WDSUB1: variants seen among roughly 807,000 people sequenced by gnomAD.
WDSUB1 encodes the protein WD repeat, sterile alpha motif and U-box domain containing 1, also known as WD repeat, SAM and U-box domain-containing protein 1.
WDSUB1 carries 49 observed loss-of-function variants against 53.9 expected under a neutral mutation model. The ratio of observed to expected loss-of-function variants is 0.91; its 90% CI spans 0.72 to 1.15. The LOEUF is 1.15. Among genes scored for constraint, WDSUB1 ranks in the 50% most tolerant of loss-of-function variants. The probability of loss-of-function intolerance (pLI) is 0.00; values close to 1 mark genes in which losing one functional copy is unlikely to be tolerated. For synonymous variants in WDSUB1, 194 were observed against 200.6 expected (o/e 0.97, Z 0.28); for missense variants, 514 against 562.0 (o/e 0.91, Z 0.86).
At chr2:159,250,376 A>G (rs1203041189) in intron 9 of WDSUB1, among the ~76,000 whole-genome samples, 1 of 152,236 alleles carries the variant, frequency 6.6e-6, no homozygotes, top group Non-Finnish European at 1.5e-5. Context: ...TGATTTTGCA[A>G]AAATATTTAT....
chr2:159,246,787 G>A (rs1481798449), intron 10 of WDSUB1, among the ~76,000 whole-genome samples: 1 of 152,190 alleles, frequency 6.6e-6, no homozygotes, highest in Non-Finnish European at 1.5e-5. Flanking sequence ...GCATATCTAT[G>A]CAAGGAAACA....
intron 4 of WDSUB1, among the ~76,000 whole-genome samples, chr2:159,275,077 G>A (rs1331313519): frequency 6.6e-6 from 1 of 152,128 alleles, no homozygotes; most frequent in Non-Finnish European, 1.5e-5. Context: ...TTCAATTAAT[G>A]GAAGTTGTAA....
rs1265251666 is a variant in WDSUB1, at chr2:159,265,117, CAACAACAAA to C, written c.771-5283_771-5275del. Among the ~76,000 whole-genome samples, 1,077 of 149,162 alleles carry C rather than the reference CAACAACAAA, an allele frequency of 7.2e-3. 7 individuals carry two copies. Among genetic ancestry groups the C allele is most frequent in the Non-Finnish European group, 0.01 (677 of 67,440 alleles). On this transcript the variant is annotated intron_variant, in intron 5 of 10. Coordinates refer to ENST00000359774, the MANE Select transcript of WDSUB1 (RefSeq NM_001128212.3). ...AAAAAAAATAAAACAACAACAACAACAACAACAAAAAAAAACAACTCCTAACTGGCTGGG... is the reference window on the plus strand; with the variant it reads ...AAAAAAAATAAAACAACAACAACAACAAAAAACAACTCCTAACTGGCTGGG...
At chr2:159,243,245 T>C (rs2060707587) in intron 10 of WDSUB1, among the ~76,000 whole-genome samples, 1 of 148,074 alleles carries the variant, frequency 6.8e-6, no homozygotes, top group South Asian at 2.1e-4. Flanking sequence ...TACTACATGA[T>C]TCCACTGATA....
At chr2:159,236,424 T>A (rs2060484146) in intron 10 of WDSUB1, among the ~76,000 whole-genome samples, 2 of 152,110 alleles carry the variant, frequency 1.3e-5, no homozygotes, top group African/African-American at 4.8e-5. Context: ...TATAAACACT[T>A]TGAACAGTAC....
In WDSUB1 at chr2:159,250,717, G is replaced by C. The variant is rs749172658; in HGVS notation, c.1133-2205C>G. On this transcript the variant is annotated intron_variant, in intron 9 of 10. Coordinates refer to ENST00000359774, the MANE Select transcript of WDSUB1 (RefSeq NM_001128212.3). ...GGATCATGTATTCTAAGCTAAGTAAGGTGGAAAATAAGAGTAGAGATAGAT... is the reference window on the plus strand; with the variant it reads ...GGATCATGTATTCTAAGCTAAGTAACGTGGAAAATAAGAGTAGAGATAGAT... Among the ~76,000 whole-genome samples, 5 of 152,242 alleles carry C rather than the reference G, an allele frequency of 3.3e-5. No individual in the cohort carries two copies. In the East Asian group the frequency reaches 7.7e-4, roughly 23 times the overall value.
At chr2:159,274,192 T>G (rs993862467) in intron 4 of WDSUB1, among the ~76,000 whole-genome samples, 1 of 152,062 alleles carries the variant, frequency 6.6e-6, no homozygotes, top group Non-Finnish European at 1.5e-5. Flanking sequence ...GCCAAGAAAG[T>G]TATTCTGCCC....
intron 10 of WDSUB1, among the ~76,000 whole-genome samples, chr2:159,246,012 A>C (rs1185892013): frequency 6.6e-6 from 1 of 151,628 alleles, no homozygotes; most frequent in Non-Finnish European, 1.5e-5. Context: ...ACAACACAGT[A>C]AGATAATCCA....
At chr2:159,240,685 T>C (rs6736256) in intron 10 of WDSUB1, among the ~76,000 whole-genome samples, 87,011 of 151,996 alleles carry the variant, frequency 0.57, 26,251 homozygotes, top group African/African-American at 0.72. Flanking sequence ...TCCTATTTTA[T>C]AAATGAGGAA....
At chr2:159,281,993 C>T (rs2061674730) in intron 2 of WDSUB1, among the ~76,000 whole-genome samples, 1 of 151,792 alleles carries the variant, frequency 6.6e-6, no homozygotes, top group Admixed American at 6.6e-5. Flanking sequence ...AGAAAGAAAA[C>T]ACTTAAACCA....
At chr2:159,248,237 C>T (rs1206765874) in intron 10 of WDSUB1, 135 bp downstream of exon 10, 4 of 956,182 alleles carry the variant, frequency 4.2e-6, no homozygotes, top group Middle Eastern at 3.4e-4. Context: ...TTCATTTGTT[C>T]ACCCAAGGTT....
chr2:159,247,923 A>G, intron 10 of WDSUB1, among the ~76,000 whole-genome samples: 3 of 75,470 alleles, frequency 4.0e-5, no homozygotes, highest in African/African-American at 2.4e-4. Flanking sequence ...ATATATATAT[A>G]TATAAATATA....
At chr2:159,272,478 A>G (rs1298044768) in intron 4 of WDSUB1, among the ~76,000 whole-genome samples, 1 of 152,200 alleles carries the variant, frequency 6.6e-6, no homozygotes, top group Non-Finnish European at 1.5e-5. Context: ...GGCAAGCAGA[A>G]AGGAGCAAAC....
chr2:159,254,208 C>T (rs2061012362), intron 9 of WDSUB1, among the ~76,000 whole-genome samples: 1 of 152,230 alleles, frequency 6.6e-6, no homozygotes, highest in African/African-American at 2.4e-5. Flanking sequence ...AAACCTGAGA[C>T]TCATCCTTCA....
intron 1 of WDSUB1, chr2:159,286,268 G>A (rs532386453): frequency 1.2e-3 from 184 of 153,340 alleles, no homozygotes; most frequent in African/African-American, 4.1e-3. Context: ...ATGCACGAAA[G>A]ACCAGGAATG....
chr2:159,254,763 G>GT (rs1353384157), intron 9 of WDSUB1, among the ~76,000 whole-genome samples: 13 of 152,032 alleles, frequency 8.6e-5, no homozygotes, highest in African/African-American at 1.2e-4. Flanking sequence ...AAATTTGTGA[G>GT]TTTTTTTTAA....
intron 10 of WDSUB1, among the ~76,000 whole-genome samples, chr2:159,246,229 G>C (rs7573981): frequency 2.0e-5 from 3 of 151,856 alleles, no homozygotes; most frequent in African/African-American, 7.3e-5. Flanking sequence ...TCAGGAGATC[G>C]AGACCATCCT....
At chr2:159,236,982 G>A (rs565380837) in intron 10 of WDSUB1, among the ~76,000 whole-genome samples, 1 of 152,204 alleles carries the variant, frequency 6.6e-6, no homozygotes, top group South Asian at 2.1e-4. Context: ...TGTAAAGATT[G>A]GACTTTTGCT....
rs1345575803 is a variant in WDSUB1, at chr2:159,282,610, C to T, written c.398+62G>A. 3 of 1,532,604 alleles carry T rather than the reference C, an allele frequency of 2.0e-6. No homozygotes were observed. In the East Asian group the frequency reaches 6.8e-5, roughly 35 times the overall value. The allele number at this position is 1,532,604 out of a possible 1,614,324, so 94.9% of individuals were successfully genotyped here. A position where few individuals can be genotyped will look rare whatever the true frequency, so the allele number is the denominator to read the frequency against. ...GCAGAGTATCAAAATATTTTGCTTT[C>T]AGTTTTTTTTAAGTACACCTAGTCA... On this transcript the variant is annotated intron_variant, in intron 2 of 10. Coordinates refer to ENST00000359774, the MANE Select transcript of WDSUB1 (RefSeq NM_001128212.3).
Sources: allele counts gnomAD v4.1 joint callset (sites outside exome capture counted in the v4.1 genomes callset), GRCh38; gene constraint gnomAD v4.1.1; transcripts MANE v1.5; gene names NCBI Gene and HGNC (gene_info 2026-07-23, HGNC 2026-07-21).